Variants in PSMD1 observed in about 807,000 individuals in gnomAD.
PSMD1 encodes the protein proteasome 26S subunit, non-ATPase 1.
A neutral mutation model predicts 119.0 loss-of-function variants in PSMD1; 18 were observed. The observed-to-expected ratio is 0.15, with a 90% confidence interval of 0.10 to 0.22. The LOEUF (loss-of-function observed/expected upper bound fraction) is 0.22. Among genes scored for constraint, PSMD1 ranks in the 10% least tolerant of loss-of-function variants. The probability of loss-of-function intolerance (pLI) is 1.00; values close to 1 mark genes in which losing one functional copy is unlikely to be tolerated. For synonymous variants in PSMD1, 374 were observed against 396.6 expected (o/e 0.94, Z 0.68); for missense variants, 702 against 1,158.5 (o/e 0.61, Z 5.72).
intron 10 of PSMD1, 62 bp from the exon 11 acceptor site, chr2:231,079,473 TA>T: frequency 8.4e-7 from 1 of 1,184,368 alleles, no homozygotes; most frequent in Non-Finnish European, 1.2e-6. Flanking sequence ...ACCTTAGAGT[TA>T]AAAAGCTTTA....
intron 16 of PSMD1, among the ~76,000 whole-genome samples, chr2:231,136,953 C>T (rs1695980365): frequency 7.0e-6 from 1 of 142,658 alleles, no homozygotes; most frequent in Non-Finnish European, 1.5e-5. Context: ...ATTATATTTA[C>T]ATATAGTATA....
chr2:231,161,897 G>A (rs944335924), intron 20 of PSMD1, among the ~76,000 whole-genome samples: 2 of 152,182 alleles, frequency 1.3e-5, no homozygotes, highest in Non-Finnish European at 1.5e-5. Context: ...TGGTATCAGT[G>A]GAAACTCATT....
intron 16 of PSMD1, among the ~76,000 whole-genome samples, chr2:231,094,358 C>G (rs928552502): frequency 1.3e-5 from 2 of 152,038 alleles, no homozygotes; most frequent in Non-Finnish European, 2.9e-5. Flanking sequence ...TTGCCATAAG[C>G]CAATGGGCCA....
chr2:231,080,112 G>C (rs894597328), intron 11 of PSMD1, 29 bp from the exon 12 acceptor site: 3 of 1,555,520 alleles, frequency 1.9e-6, no homozygotes, highest in Admixed American at 4.0e-5. Flanking sequence ...TTCTCTTTTT[G>C]ATGTCTTTGT....
At chr2:231,153,708 A>C in intron 19 of PSMD1, 42 bp downstream of exon 19, 1 of 1,276,484 alleles carries the variant, frequency 7.8e-7, no homozygotes, top group South Asian at 1.3e-5. Context: ...ATTTAAACTA[A>C]ATCTAATAAA....
rs188554285 is a variant in PSMD1, at chr2:231,127,927, G to A, written c.1884-10809G>A. 3.9e-5 allele frequency among the ~76,000 whole-genome samples: 6 copies of A among 152,266 alleles called. No homozygotes were observed. The East Asian group carries it at 1.2e-3, about 29-fold the overall frequency. ...TAAAGTAACTTCAAGGTCAGACTCA[G>A]CCTCTAATCCAGTAATAACCAAAAA... On this transcript the variant is annotated intron_variant, in intron 16 of 24. Transcript: ENST00000308696.
intron 4 of PSMD1, 92 bp downstream of exon 4, chr2:231,062,767 C>G (rs1276423243): frequency 6.4e-6 from 7 of 1,089,324 alleles, no homozygotes; most frequent in Non-Finnish European, 8.7e-6. Context: ...TTGATGTTGC[C>G]AAATTTCATT....
intron 9 of PSMD1, among the ~76,000 whole-genome samples, chr2:231,078,042 C>T (rs1241400656): frequency 6.6e-6 from 1 of 152,194 alleles, no homozygotes; most frequent in African/African-American, 2.4e-5. Context: ...CCGAGGCAGG[C>T]GGATCACCTG....
chr2:231,074,079 A>C (rs1048936382), intron 7 of PSMD1, among the ~76,000 whole-genome samples: 1 of 151,820 alleles, frequency 6.6e-6, no homozygotes. Flanking sequence ...AAAATCTTTA[A>C]TTTTTTTCAA....
chr2:231,105,552 C>T (rs1459728012), intron 16 of PSMD1, among the ~76,000 whole-genome samples: 1 of 151,762 alleles, frequency 6.6e-6, no homozygotes, highest in Non-Finnish European at 1.5e-5. Flanking sequence ...ATGGACATTT[C>T]TTAAAATCAG....
intron 1 of PSMD1, among the ~76,000 whole-genome samples, chr2:231,059,250 T>C (rs1693697350): frequency 6.6e-6 from 1 of 152,252 alleles, no homozygotes; most frequent in African/African-American, 2.4e-5. Context: ...TTAAGTTTAT[T>C]GGATTACTTG....
At chr2:231,102,898 TATATTTGTTATAGC>T (rs755952507) in intron 16 of PSMD1, among the ~76,000 whole-genome samples, 21 of 152,226 alleles carry the variant, frequency 1.4e-4, no homozygotes, top group Non-Finnish European at 4.4e-5. Context: ...GCTTATTTAT[TATATTTGTTATAGC>T]TTATTTGTTA....
intron 12 of PSMD1, 142 bp from the exon 13 acceptor site, chr2:231,082,741 C>A (rs1694341314): frequency 4.8e-6 from 3 of 621,610 alleles, no homozygotes; most frequent in Admixed American, 3.0e-5. Context: ...TATCACTGAC[C>A]TTTTGATTAT....
chr2:231,103,937 A>G (rs1015007694), intron 16 of PSMD1, among the ~76,000 whole-genome samples: 1 of 152,138 alleles, frequency 6.6e-6, no homozygotes, highest in Non-Finnish European at 1.5e-5. Context: ...AAATGAGAAA[A>G]TGGTCTGTCA....
intron 16 of PSMD1, among the ~76,000 whole-genome samples, chr2:231,118,028 A>G (rs1695403152): frequency 6.6e-6 from 1 of 152,094 alleles, no homozygotes; most frequent in Non-Finnish European, 1.5e-5. Flanking sequence ...TTCTAGAATC[A>G]GTCCTCCTGG....
chr2:231,123,495 A>AT (rs1249724185), intron 16 of PSMD1: 1 of 1,614,120 alleles, frequency 6.2e-7, no homozygotes, highest in African/African-American at 1.3e-5. Context: ...TTAGAAAGTA[A>AT]TTAGTAGCAT....
chr2:231,083,431 G>A, intron 13 of PSMD1, 136 bp from the exon 14 acceptor site: 1 of 818,856 alleles, frequency 1.2e-6, no homozygotes, highest in Non-Finnish European at 1.9e-6. Context: ...CTTTTTACCA[G>A]GTGGTTTAAA....
chr2:231,161,204 C>G (rs1222133012), intron 19 of PSMD1, 136 bp from the exon 20 acceptor site: 2 of 831,724 alleles, frequency 2.4e-6, no homozygotes, highest in African/African-American at 3.5e-5. Flanking sequence ...CACTCTGTCA[C>G]CCGAGCTTGG....
chr2:231,073,959 TAGAG>T (rs932771496), intron 7 of PSMD1, among the ~76,000 whole-genome samples: 4 of 152,174 alleles, frequency 2.6e-5, no homozygotes, highest in Admixed American at 1.3e-4. Flanking sequence ...CATCTGCAGT[TAGAG>T]AGCATTTTAC....
Sources: gnomAD v4.1 joint callset for allele counts (sites outside exome capture counted in the v4.1 genomes callset) on GRCh38, gnomAD v4.1.1 for gene constraint, MANE v1.5 for transcripts, NCBI Gene and HGNC (gene_info 2026-07-23, HGNC 2026-07-21) for gene names.